ARHGAP31: variants seen among roughly 807,000 people sequenced by gnomAD.
The protein encoded by ARHGAP31 is rho GTPase-activating protein 31.
In ARHGAP31, 34 loss-of-function variants were observed where a neutral mutation model predicts 113.9. That is an observed-to-expected ratio of 0.30 (90% CI 0.23 to 0.40). ARHGAP31 has a LOEUF of 0.40. Ranked by LOEUF, ARHGAP31 falls within the 10% of genes least tolerant of loss-of-function variation. The pLI, the probability that ARHGAP31 is intolerant of heterozygous loss-of-function variation, is 1.00. For missense variants in ARHGAP31, 1,548 were observed against 1,767.1 expected (o/e 0.88, Z 2.22); for synonymous variants, 650 against 684.8 (o/e 0.95, Z 0.79).
In ARHGAP31 at chr3:119,419,007, C is replaced by A. The variant is rs78013508; in HGVS notation, c.*2743C>A. On this transcript the variant is annotated 3_prime_UTR_variant, in exon 12 of 12. Coordinates refer to ENST00000264245, the MANE Select transcript of ARHGAP31 (RefSeq NM_020754.4). ...AAAGAAAACTCATATTCCTCCCCCC[C>A]ACAAATTGTTCCCCCAAATGCTCTG... The A allele has an allele frequency of 0.05, 7,613 of 152,426 alleles. 239 individuals are homozygous for A. Among genetic ancestry groups the A allele is most frequent in the Non-Finnish European group, 0.067 (4,560 of 68,266 alleles). The allele number at this position is 152,426 out of a possible 1,614,324, so 9.4% of individuals were successfully genotyped here. A position where few individuals can be genotyped will look rare whatever the true frequency, so the allele number is the denominator to read the frequency against.
intron 1 of ARHGAP31, among the ~76,000 whole-genome samples, chr3:119,305,226 G>A (rs1027737365): frequency 6.6e-6 from 1 of 152,138 alleles, no homozygotes; most frequent in African/African-American, 2.4e-5. Flanking sequence ...CAGTAAAACA[G>A]GTCTGATATG....
intron 3 of ARHGAP31, among the ~76,000 whole-genome samples, chr3:119,380,293 G>C (rs1284626484): frequency 6.6e-6 from 1 of 152,142 alleles, no homozygotes; most frequent in East Asian, 1.9e-4. Context: ...GGCAGTAGCT[G>C]TTTGCACCCA....
intron 1 of ARHGAP31, 37 bp downstream of exon 1, chr3:119,295,041 T>A: frequency 6.3e-7 from 1 of 1,594,374 alleles, no homozygotes; most frequent in Non-Finnish European, 8.6e-7. Context: ...GCCCCCACCT[T>A]CTTTTTGTTT....
chr3:119,324,279 C>T (rs1470457373), intron 1 of ARHGAP31, among the ~76,000 whole-genome samples: 1 of 152,166 alleles, frequency 6.6e-6, no homozygotes, highest in African/African-American at 2.4e-5. Flanking sequence ...ACCGCAGACC[C>T]ATAGGAAATG....
rs1166856148 is a variant in ARHGAP31, at chr3:119,365,381, C to A, written c.166C>A (p.Arg56=). 6.2e-7 allele frequency: 1 copy of A among 1,614,110 alleles called. No homozygotes were observed. The highest frequency in any genetic ancestry group is 8.5e-7 in the Non-Finnish European group (1 of 1,180,024). ...ETHGIVDGIY[R]LSGVTSNIQR... is the part of the protein sequence containing the mutation. ...TCACGGCATCGTGGATGGAATCTAT[C>A]GGCTTTCAGGAGTCACCTCAAACAT... is the stretch of plus-strand genomic sequence containing the variant. Residue 56 remains arginine, a synonymous_variant, in exon 2 of 12, where the codon CGG becomes AGG. Transcript: ENST00000264245.
At chr3:119,386,801 G>A (rs1203967509) in intron 6 of ARHGAP31, among the ~76,000 whole-genome samples, 1 of 152,240 alleles carries the variant, frequency 6.6e-6, no homozygotes, top group Non-Finnish European at 1.5e-5. Context: ...CGTGTCCACT[G>A]GACAGGGGGC....
intron 3 of ARHGAP31, among the ~76,000 whole-genome samples, chr3:119,372,709 A>G (rs192743071): frequency 1.3e-5 from 2 of 152,374 alleles, no homozygotes; most frequent in Non-Finnish European, 2.9e-5. Flanking sequence ...AGTGCTTACT[A>G]TATGATAAAC....
Position 119,417,348 on chromosome 3 carries a change from C to T in ARHGAP31, c.*1084C>T, listed in dbSNP as rs955128637. 6.6e-6 allele frequency: 1 copy of T among 152,304 alleles called. No homozygotes were observed. Among genetic ancestry groups the T allele is most frequent in the African/African-American group, 2.4e-5 (1 of 41,454 alleles). 9.4% of individuals were successfully genotyped at this position (152,304 alleles called of 1,614,324 possible). ...CCAGGAGGCGAGGGAAGAGCCCTAGCAGGGCGGCCATCACAACCACTCACT... is the reference window on the plus strand; with the variant it reads ...CCAGGAGGCGAGGGAAGAGCCCTAGTAGGGCGGCCATCACAACCACTCACT... On this transcript the variant is annotated 3_prime_UTR_variant, in exon 12 of 12. Coordinates refer to ENST00000264245, the MANE Select transcript of ARHGAP31 (RefSeq NM_020754.4).
chr3:119,295,131 C>T, intron 1 of ARHGAP31, 127 bp downstream of exon 1: 1 of 767,740 alleles, frequency 1.3e-6, no homozygotes. Flanking sequence ...GCTCATTGCA[C>T]TTTTTTTTCT....
chr3:119,412,979 C>G (rs954280736), intron 11 of ARHGAP31, among the ~76,000 whole-genome samples: 4 of 149,504 alleles, frequency 2.7e-5, no homozygotes, highest in African/African-American at 9.9e-5. Context: ...GATCACGCCA[C>G]TGCACTCCAT....
Position 119,416,140 on chromosome 3 carries a change from C to T in ARHGAP31, c.4211C>T (p.Thr1404Ile). The T allele has an allele frequency of 6.2e-7, 1 of 1,614,210 alleles. No individual in the cohort carries two copies. The highest frequency in any genetic ancestry group is 1.3e-5 in the African/African-American group (1 of 75,048). Reference protein sequence around the residue: ...ENTWVTPEGVTLRNKMTIPKN... With the variant: ...ENTWVTPEGVILRNKMTIPKN... ...ACATGGGTCACACCAGAAGGGGTTACACTTAGGAATAAAATGACCATCCCT... is the reference window on the plus strand; with the variant it reads ...ACATGGGTCACACCAGAAGGGGTTATACTTAGGAATAAAATGACCATCCCT... Residue 1404 changes from threonine to isoleucine, a missense_variant, in exon 12 of 12, where the codon ACA becomes ATA. By Grantham distance (89) the Thr-to-Ile change is moderately conservative. Coordinates refer to ENST00000264245, the MANE Select transcript of ARHGAP31 (RefSeq NM_020754.4).
chr3:119,325,604 A>G (rs1387134288), intron 1 of ARHGAP31, among the ~76,000 whole-genome samples: 1 of 122,054 alleles, frequency 8.2e-6, no homozygotes, highest in Non-Finnish European at 1.6e-5. Flanking sequence ...AGGGGAAGCT[A>G]GCTTCTCCTA....
At position 119,417,840 on chromosome 3, in the gene ARHGAP31, G is replaced by T. The variant is rs1163259605; in HGVS notation, c.*1576G>T. 2 of 152,080 alleles carry T rather than the reference G, an allele frequency of 1.3e-5. No homozygotes were observed. Among genetic ancestry groups the T allele is most frequent in the African/African-American group, 4.8e-5 (2 of 41,386 alleles). 9.4% of individuals were successfully genotyped at this position (152,080 alleles called of 1,614,324 possible). The stretch of plus-strand genomic sequence containing the variant: ...GGACTTCACAGGGCATCTCTTCTCA[G>T]GTTCAAGCCTGGCTGAATTCTGCCC... On this transcript the variant is annotated 3_prime_UTR_variant, in exon 12 of 12. Transcript: ENST00000264245.
chr3:119,315,907 A>G (rs1221084708), intron 1 of ARHGAP31, among the ~76,000 whole-genome samples: 2 of 152,236 alleles, frequency 1.3e-5, no homozygotes, highest in Non-Finnish European at 2.9e-5. Flanking sequence ...TAGACAGCAC[A>G]TTACAGAGTA....
intron 3 of ARHGAP31, among the ~76,000 whole-genome samples, chr3:119,379,977 A>G (rs959832221): frequency 4.6e-5 from 7 of 152,226 alleles, no homozygotes; most frequent in African/African-American, 4.8e-5. Context: ...GTCTGGGACC[A>G]GGGGAATCTG....
In ARHGAP31 at chr3:119,416,049, T is replaced by C. The variant is rs748087375; in HGVS notation, c.4120T>C (p.Ser1374Pro). 1.2e-6 allele frequency: 2 copies of C among 1,614,162 alleles called. No homozygotes were observed. Among genetic ancestry groups the C allele is most frequent in the Admixed American group, 3.3e-5 (2 of 60,030 alleles). The change falls in exon 12 of 12, where the codon TCC becomes CCC. Residue 1374 changes from serine (S) to proline (P), a missense_variant. Coordinates refer to ENST00000264245, the MANE Select transcript of ARHGAP31 (RefSeq NM_020754.4). ...STVTDSKVLLSPIRSPTQTVS... is the reference protein window; with the variant it reads ...STVTDSKVLLPPIRSPTQTVS... ...AGTGACAGATTCCAAGGTCCTGCTG[T>C]CCCCTATCAGAAGTCCCACCCAGAC... is the stretch of plus-strand genomic sequence containing the variant.
intron 11 of ARHGAP31, 152 bp from the exon 12 acceptor site, chr3:119,413,704 T>C: frequency 9.6e-7 from 1 of 1,038,848 alleles, no homozygotes; most frequent in Admixed American, 2.0e-5. Flanking sequence ...TGGTGAGCAC[T>C]CAAATAGCCA....
intron 1 of ARHGAP31, among the ~76,000 whole-genome samples, chr3:119,332,961 A>G (rs1196872603): frequency 6.6e-6 from 1 of 152,174 alleles, no homozygotes; most frequent in Non-Finnish European, 1.5e-5. Context: ...AGATACTGCT[A>G]TCTTCATTTT....
chr3:119,321,499 GT>G (rs893525263), intron 1 of ARHGAP31, among the ~76,000 whole-genome samples: 11 of 148,840 alleles, frequency 7.4e-5, no homozygotes, highest in African/African-American at 1.7e-4. Context: ...TCCTTCAAGT[GT>G]TTTTTTTCTA....
Sources: allele counts gnomAD v4.1 joint callset (sites outside exome capture counted in the v4.1 genomes callset), GRCh38; gene constraint gnomAD v4.1.1; transcripts MANE v1.5; gene names NCBI Gene and HGNC (gene_info 2026-07-23, HGNC 2026-07-21).